JAZF1: variants seen among roughly 807,000 people sequenced by gnomAD.
JAZF1 encodes juxtaposed with another zinc finger protein 1.
In JAZF1, 8 loss-of-function variants were observed where a neutral mutation model predicts 26.4. That is an observed-to-expected ratio of 0.30 (90% CI 0.18 to 0.55). The LOEUF is 0.55. JAZF1 is among the 20% of genes least tolerant of loss of function. The pLI is 0.94. For missense variants in JAZF1, 199 were observed against 322.0 expected, an observed-to-expected ratio of 0.62 and a Z score of 2.92; for synonymous variants, 126 against 122.3, an observed-to-expected ratio of 1.03 and a Z score of -0.20.
At position 27,898,311 on chromosome 7, in the gene JAZF1, GTTT is replaced by G. The variant is rs370764659; in HGVS notation, c.189-2898_189-2896del. ...CATATATATATATATATATACATCG[GTTT>G]TTTTTTTTTTTTTTTTGAGATGGAG... On this transcript the variant is annotated intron_variant, in intron 2 of 4. Transcript: ENST00000283928. Among the ~76,000 whole-genome samples, 213 of 111,254 alleles carry G rather than the reference GTTT, an allele frequency of 1.9e-3. 3 individuals carry two copies. The highest frequency in any genetic ancestry group is 6.4e-3 in the African/African-American group (187 of 29,416). 73.0% of individuals were successfully genotyped at this position (111,254 alleles called of 152,430 possible).
At chr7:27,838,980 C>T (rs1206568829) in intron 4 of JAZF1, among the ~76,000 whole-genome samples, 1 of 152,112 alleles carries the variant, frequency 6.6e-6, no homozygotes, top group African/African-American at 2.4e-5. Context: ...TCAGAAAAGC[C>T]CCCACCAACC....
intron 1 of JAZF1, among the ~76,000 whole-genome samples, chr7:27,995,698 G>T (rs977959154): frequency 2.0e-5 from 3 of 152,130 alleles, no homozygotes; most frequent in African/African-American, 7.2e-5. Context: ...TATTTCAGGG[G>T]ATGAGATTCT....
chr7:27,907,389 A>T (rs1784281122), intron 2 of JAZF1, among the ~76,000 whole-genome samples: 1 of 152,214 alleles, frequency 6.6e-6, no homozygotes, highest in Admixed American at 6.5e-5. Context: ...CCCAGGAAGG[A>T]GAAATTGTTT....
Position 28,122,574 on chromosome 7 carries a change from G to A in JAZF1, c.115+57889C>T, listed in dbSNP as rs527712419. On this transcript the variant is annotated intron_variant, in intron 1 of 4. Coordinates refer to ENST00000283928, the MANE Select transcript of JAZF1 (RefSeq NM_175061.4). Reference sequence around the variant, plus strand: ...TCTCCAGGCCCAGATCTGTGAAGGAGAAGAAAACAGTGGCTGAGGAACCAG... The same window carrying A: ...TCTCCAGGCCCAGATCTGTGAAGGAAAAGAAAACAGTGGCTGAGGAACCAG... 3.3e-5 allele frequency among the ~76,000 whole-genome samples: 5 copies of A among 152,174 alleles called. No homozygotes were observed. In the East Asian group the frequency reaches 5.8e-4, roughly 18 times the overall value.
chr7:28,118,382 G>C (rs1374967824), intron 1 of JAZF1, among the ~76,000 whole-genome samples: 1 of 152,134 alleles, frequency 6.6e-6, no homozygotes, highest in African/African-American at 2.4e-5. Flanking sequence ...GGGCGTGGTG[G>C]TGGGCGCCTG....
intron 2 of JAZF1, among the ~76,000 whole-genome samples, chr7:27,957,101 T>C (rs1031647633): frequency 1.3e-5 from 2 of 152,180 alleles, no homozygotes; most frequent in Non-Finnish European, 2.9e-5. Flanking sequence ...AAAGGCCTAT[T>C]TGGACCTGAC....
chr7:27,858,019 T>C (rs981800092), intron 3 of JAZF1, among the ~76,000 whole-genome samples: 5 of 152,134 alleles, frequency 3.3e-5, no homozygotes, highest in African/African-American at 1.2e-4. Flanking sequence ...GCCCAAAATC[T>C]CCTTAAGCTG....
At chr7:27,845,020 A>G (rs1782991522) in intron 3 of JAZF1, among the ~76,000 whole-genome samples, 1 of 152,280 alleles carries the variant, frequency 6.6e-6, no homozygotes, top group African/African-American at 2.4e-5. Flanking sequence ...ACAGAAGATC[A>G]TAAGGAAATG....
At chr7:28,012,730 A>C (rs1236735182) in intron 1 of JAZF1, among the ~76,000 whole-genome samples, 2 of 152,182 alleles carry the variant, frequency 1.3e-5, no homozygotes, top group African/African-American at 4.8e-5. Flanking sequence ...TTTGCAACCC[A>C]CCACTACTGA....
intron 2 of JAZF1, among the ~76,000 whole-genome samples, chr7:27,904,740 GA>G (rs34043865): frequency 0.37 from 55,896 of 151,462 alleles, 10,504 homozygotes; most frequent in East Asian, 0.49. Context: ...GCAGCACCAG[GA>G]AAAAAAACCC....
chr7:27,995,794 T>C lies in JAZF1; in HGVS notation c.116-3813A>G, dbSNP rs561382412. Among the ~76,000 whole-genome samples the C allele has an allele frequency of 2.8e-4, 43 of 152,308 alleles. 2 individuals carry two copies. The highest frequency in any genetic ancestry group is 6.8e-3 in the Middle Eastern group (2 of 294). On this transcript the variant is annotated intron_variant, in intron 1 of 4. Transcript: ENST00000283928. ...AAGCTTTCTGTAGCTCCTGTGGTCC[T>C]AGTAACTTATGGTTTTACAGACTCA...
intron 2 of JAZF1, among the ~76,000 whole-genome samples, chr7:27,903,386 G>T (rs1222526220): frequency 6.6e-6 from 1 of 152,056 alleles, no homozygotes; most frequent in Non-Finnish European, 1.5e-5. Context: ...GTAAAGATGG[G>T]GTTTTACCAT....
intron 1 of JAZF1, among the ~76,000 whole-genome samples, chr7:28,147,640 G>A (rs929022944): frequency 1.3e-5 from 2 of 150,336 alleles, no homozygotes; most frequent in Admixed American, 1.3e-4. Context: ...TTAAGCCCAG[G>A]AGCTCAAGAC....
chr7:28,111,215 T>G (rs929952432), intron 1 of JAZF1, among the ~76,000 whole-genome samples: 5 of 152,224 alleles, frequency 3.3e-5, no homozygotes, highest in Non-Finnish European at 5.9e-5. Context: ...CCAGTTAAGT[T>G]AAATAAATAC....
At chr7:27,994,847 TA>T (rs1785982127) in intron 1 of JAZF1, among the ~76,000 whole-genome samples, 2 of 152,116 alleles carry the variant, frequency 1.3e-5, no homozygotes, top group Non-Finnish European at 2.9e-5. Flanking sequence ...TCACATTCAG[TA>T]AAAGTGTAAT....
intron 1 of JAZF1, among the ~76,000 whole-genome samples, chr7:28,023,970 G>C (rs1189413590): frequency 6.6e-6 from 1 of 152,088 alleles, no homozygotes; most frequent in African/African-American, 2.4e-5. Context: ...AAGAAGAGCA[G>C]AAAGTCAGGA....
At chr7:28,156,592 C>T (rs558554904) in intron 1 of JAZF1, among the ~76,000 whole-genome samples, 1 of 152,274 alleles carries the variant, frequency 6.6e-6, no homozygotes, top group South Asian at 2.1e-4. Context: ...AGCAGAGGTT[C>T]CCAAGAGTGT....
intron 2 of JAZF1, among the ~76,000 whole-genome samples, chr7:27,983,749 C>T (rs1325773926): frequency 6.6e-6 from 1 of 152,202 alleles, no homozygotes; most frequent in Admixed American, 6.5e-5. Context: ...AACAGCTGAT[C>T]TCTCAGCAGA....
chr7:27,920,435 C>T (rs757372376), intron 2 of JAZF1, among the ~76,000 whole-genome samples: 41 of 152,190 alleles, frequency 2.7e-4, no homozygotes, highest in Non-Finnish European at 5.1e-4. Context: ...CATTCCATAA[C>T]TGAACTGTGT....
Sources: allele counts gnomAD v4.1 joint callset (sites outside exome capture counted in the v4.1 genomes callset), GRCh38; gene constraint gnomAD v4.1.1; transcripts MANE v1.5; gene names NCBI Gene and HGNC (gene_info 2026-07-23, HGNC 2026-07-21).